Variants in CNTNAP1 observed in about 807,000 individuals in gnomAD.
CNTNAP1 encodes contactin-associated protein 1.
In CNTNAP1, 80 loss-of-function variants were observed where a neutral mutation model predicts 161.5. That is an observed-to-expected ratio of 0.50 (90% CI 0.41 to 0.60). The LOEUF is 0.60. Among genes scored for constraint, CNTNAP1 ranks in the 20% least tolerant of loss-of-function variants. The probability of loss-of-function intolerance (pLI) is 0.00; values close to 1 mark genes in which losing one functional copy is unlikely to be tolerated. For missense variants in CNTNAP1, 1,464 were observed against 1,854.8 expected, an observed-to-expected ratio of 0.79 and a Z score of 3.87; for synonymous variants, 695 against 733.1, an observed-to-expected ratio of 0.95 and a Z score of 0.84.
In CNTNAP1 at chr17:42,692,726, C is replaced by T; in HGVS notation, c.2752+6C>T. 1 of 1,598,674 alleles carries T rather than the reference C, an allele frequency of 6.3e-7. No homozygotes were observed. Among genetic ancestry groups the T allele is most frequent in the Non-Finnish European group, 8.6e-7 (1 of 1,169,456 alleles). On this transcript the variant is annotated splice_donor_region_variant and intron_variant, in intron 17 of 23. Coordinates refer to ENST00000264638, the MANE Select transcript of CNTNAP1 (RefSeq NM_003632.3). Reference sequence around the variant, plus strand: ...TGACCAGCCCCTCTATGTGGGTAAGCAGCAACCCAGAGGCAAGTCTGAAGC... The same window carrying T: ...TGACCAGCCCCTCTATGTGGGTAAGTAGCAACCCAGAGGCAAGTCTGAAGC...
chr17:42,687,014 GC>G lies in CNTNAP1; in HGVS notation c.1014del (p.Val339CysfsTer74). The G allele has an allele frequency of 6.2e-7, 1 of 1,613,712 alleles. No homozygotes were observed. The highest frequency in any genetic ancestry group is 8.5e-7 in the Non-Finnish European group (1 of 1,179,688). On this transcript the variant is annotated frameshift_variant, in exon 7 of 24. Transcript: ENST00000264638. LOFTEE classifies it high-confidence loss of function. The surrounding 1 kb of genome is among the most constrained non-coding windows in gnomAD (Gnocchi z 4.7). ...IFNRVNIADL[A>X]VRRHSRITFE... ...CAACCGCGTCAACATCGCAGACCTGGCCGTGCGGCGCCATTCCCGGATCACC... is the reference window on the plus strand; with the variant it reads ...CAACCGCGTCAACATCGCAGACCTGGCGTGCGGCGCCATTCCCGGATCACC...
chr17:42,692,049 C>G, intron 16 of CNTNAP1, 58 bp downstream of exon 16: 1 of 1,565,278 alleles, frequency 6.4e-7, no homozygotes, highest in Middle Eastern at 1.9e-4. Context: ...TCTGGGGAGA[C>G]AGGGGTAGGC....
At chr17:42,686,230 T>A in intron 6 of CNTNAP1, 89 bp downstream of exon 6, 1 of 1,314,606 alleles carries the variant, frequency 7.6e-7, no homozygotes, top group East Asian at 2.3e-5. Context: ...TTTTCCTCTG[T>A]CTCTCAGAGG....
rs1022183090 is a variant in CNTNAP1 at position 42,689,723 on chromosome 17, C to T, written c.1735+96C>T. 3.0e-6 allele frequency: 3 copies of T among 994,034 alleles called. No individual in the cohort carries two copies. In the Admixed American group the frequency reaches 5.9e-5, roughly 20 times the overall value. 61.6% of individuals were successfully genotyped at this position (994,034 alleles called of 1,614,324 possible). On this transcript the variant is annotated intron_variant, in intron 11 of 23. Transcript: ENST00000264638. ...GCTGCTAGAGATGGCGAGGATGGCC[C>T]TTCCAGCCCTCTCGCTTTTTGTTTT...
chr17:42,686,923 G>A lies in CNTNAP1; in HGVS notation c.921G>A (p.Val307=). The A allele has an allele frequency of 1.2e-6, 2 of 1,610,526 alleles. No homozygotes were observed. Among genetic ancestry groups the A allele is most frequent in the South Asian group, 2.2e-5 (2 of 90,958 alleles). The part of the protein sequence containing the change: ...LDTEMFIGGL[V]GAARKNLAYR... Reference sequence around the variant, plus strand: ...CGCAGATGTTCATCGGAGGTCTGGTGGGCGCCGCGCGGAAGAACCTGGCCT... The same window carrying A: ...CGCAGATGTTCATCGGAGGTCTGGTAGGCGCCGCGCGGAAGAACCTGGCCT... Residue 307 remains valine (V), a synonymous_variant, in exon 7 of 24, where the codon GTG becomes GTA. Coordinates refer to ENST00000264638, the MANE Select transcript of CNTNAP1 (RefSeq NM_003632.3).
chr17:42,682,766 C>A lies in CNTNAP1; in HGVS notation c.-64C>A. ...CCAGGAGGAGAGCTTGGAGCCCAAG[C>A]CAGAACTCGAGCCCTAGCCGGAGCC... On this transcript the variant is annotated 5_prime_UTR_variant, in exon 1 of 24. Coordinates refer to ENST00000264638, the MANE Select transcript of CNTNAP1 (RefSeq NM_003632.3). 1 of 1,511,382 alleles carries A rather than the reference C, an allele frequency of 6.6e-7. No individual in the cohort carries two copies. Among genetic ancestry groups the A allele is most frequent in the East Asian group, 2.4e-5 (1 of 40,850 alleles). 93.6% of individuals were successfully genotyped at this position (1,511,382 alleles called of 1,614,324 possible). A position where few individuals can be genotyped will look rare whatever the true frequency, so the allele number is the denominator to read the frequency against.
rs777110060 is a variant in CNTNAP1 at position 42,685,156 on chromosome 17, G to T, written c.511+18G>T. 6.2e-7 allele frequency: 1 copy of T among 1,606,806 alleles called. No individual in the cohort carries two copies. The highest frequency in any genetic ancestry group is 8.5e-7 in the Non-Finnish European group (1 of 1,175,992). ...CCCATACAGTAAGTGTGCAGAGAGC[G>T]CGGAGGGGGCCTGGGAGACAGCCTC... On this transcript the variant is annotated intron_variant, in intron 4 of 23. Coordinates refer to ENST00000264638, the MANE Select transcript of CNTNAP1 (RefSeq NM_003632.3). This position sits in a 1 kb window ranked among gnomAD's most constrained non-coding sequence, Gnocchi z 5.0.
At chr17:42,692,477 T>A (rs764992758) in intron 16 of CNTNAP1, 22 bp from the exon 17 acceptor site, 1 of 1,602,944 alleles carries the variant, frequency 6.2e-7, no homozygotes, top group East Asian at 2.2e-5. Flanking sequence ...TTTTCTCCCC[T>A]ACCCTGCATC....
chr17:42,692,451 T>C (rs759382562), intron 16 of CNTNAP1, 48 bp from the exon 17 acceptor site: 1 of 1,502,090 alleles, frequency 6.7e-7, no homozygotes, highest in African/African-American at 1.4e-5. Flanking sequence ...ATGAAGGGTC[T>C]TGTAGGTCTG....
chr17:42,696,187 T>C, intron 20 of CNTNAP1, 35 bp downstream of exon 20: 4 of 1,612,758 alleles, frequency 2.5e-6, no homozygotes, highest in East Asian at 2.2e-5. Context: ...GTTCAGATCA[T>C]AACCTCATGG....
Position 42,682,612 on chromosome 17 carries a change from A to T in CNTNAP1, c.-218A>T. ...AGGGTGGAAAGGAGAGGATAGAGAG[A>T]GAAGAGCGGAGGACCAGGAACCAGA... On this transcript the variant is annotated 5_prime_UTR_variant, in exon 1 of 24. Coordinates refer to ENST00000264638, the MANE Select transcript of CNTNAP1 (RefSeq NM_003632.3). The T allele has an allele frequency of 1.7e-6, 1 of 590,438 alleles. No individual in the cohort carries two copies. The highest frequency in any genetic ancestry group is 3.0e-6 in the Non-Finnish European group (1 of 331,328). The allele number at this position is 590,438 out of a possible 1,614,324, so 36.6% of individuals were successfully genotyped here.
At position 42,686,918 on chromosome 17, in the gene CNTNAP1, C is replaced by T; in HGVS notation, c.916C>T (p.Leu306=). Reference sequence around the variant, plus strand: ...CCTCCCGCAGATGTTCATCGGAGGTCTGGTGGGCGCCGCGCGGAAGAACCT... The same window carrying T: ...CCTCCCGCAGATGTTCATCGGAGGTTTGGTGGGCGCCGCGCGGAAGAACCT... The part of the protein sequence containing the change: ...NLDTEMFIGG[L]VGAARKNLAY... The change falls in exon 7 of 24, where the codon CTG becomes TTG. Residue 306 remains leucine, a synonymous_variant. Coordinates refer to ENST00000264638, the MANE Select transcript of CNTNAP1 (RefSeq NM_003632.3). 1.2e-6 allele frequency: 2 copies of T among 1,609,168 alleles called. No homozygotes were observed. Among genetic ancestry groups the T allele is most frequent in the Non-Finnish European group, 1.7e-6 (2 of 1,176,316 alleles).
intron 10 of CNTNAP1, 91 bp downstream of exon 10, chr17:42,689,138 C>A: frequency 7.8e-7 from 1 of 1,281,986 alleles, no homozygotes; most frequent in Non-Finnish European, 1.1e-6. Flanking sequence ...AATCTCCCTT[C>A]TCCTTGTCTC....
At chr17:42,692,813 G>C in intron 17 of CNTNAP1, 93 bp downstream of exon 17, 1 of 1,150,710 alleles carries the variant, frequency 8.7e-7, no homozygotes, top group Non-Finnish European at 1.2e-6. Context: ...CCTGTCTTAG[G>C]TGCCAGTCCC....
intron 20 of CNTNAP1, among the ~76,000 whole-genome samples, chr17:42,696,954 G>A (rs2053159309): frequency 1.3e-5 from 2 of 152,116 alleles, no homozygotes; most frequent in South Asian, 4.1e-4. Flanking sequence ...TGGGAGGACT[G>A]CTTGAGGCCA....
chr17:42,685,922 G>C lies in CNTNAP1; in HGVS notation c.716-35G>C. 1 of 1,607,034 alleles carries C rather than the reference G, an allele frequency of 6.2e-7. No homozygotes were observed. Among genetic ancestry groups the C allele is most frequent in the Non-Finnish European group, 8.5e-7 (1 of 1,174,598 alleles). ...GCTTGGACTCCATGGAGTTCTCCTG[G>C]CTTGAGGTTTCACTCTGTCCTGCCC... On this transcript the variant is annotated intron_variant, in intron 5 of 23. Coordinates refer to ENST00000264638, the MANE Select transcript of CNTNAP1 (RefSeq NM_003632.3). The surrounding 1 kb of genome is among the most constrained non-coding windows in gnomAD (Gnocchi z 5.0).
intron 16 of CNTNAP1, 47 bp from the exon 17 acceptor site, chr17:42,692,452 T>G: frequency 2.6e-6 from 4 of 1,510,592 alleles, no homozygotes; most frequent in Non-Finnish European, 3.7e-6. Context: ...TGAAGGGTCT[T>G]GTAGGTCTGA....
chr17:42,683,760 C>G (rs1040426245), intron 1 of CNTNAP1, 61 bp from the exon 2 acceptor site: 3 of 1,559,808 alleles, frequency 1.9e-6, no homozygotes, highest in Middle Eastern at 1.7e-4. Context: ...CTAAGTGGGC[C>G]GGCCTTTGGA....
intron 3 of CNTNAP1, 46 bp downstream of exon 3, chr17:42,684,275 T>TCCAGGCTCTGGGCCGGGCA (rs1173823918): frequency 7.0e-6 from 11 of 1,564,726 alleles, no homozygotes; most frequent in African/African-American, 1.4e-5. Context: ...CTTCCTCTGC[T>TCCAGGCTCTGGGCCGGGCA]CCAGGCTCTG....
Sources: gnomAD v4.1 joint callset for allele counts (sites outside exome capture counted in the v4.1 genomes callset) on GRCh38, gnomAD v4.1.1 for gene constraint, Gnocchi (gnomAD v3.1) non-coding constraint, MANE v1.5 for transcripts, NCBI Gene and HGNC (gene_info 2026-07-23, HGNC 2026-07-21) for gene names.